The following SGCZ variants were observed in gnomAD, a reference collection of about 807,000 sequenced individuals.
The protein encoded by SGCZ is zeta-sarcoglycan.
Under a neutral mutation model 41.3 loss-of-function variants are expected in SGCZ, and 40 were observed. The observed-to-expected ratio is 0.97, with a 90% confidence interval of 0.75 to 1.26. The LOEUF (loss-of-function observed/expected upper bound fraction) is 1.26, where lower values mean the gene tolerates loss of function less well. SGCZ is among the 50% of genes most tolerant of loss of function. The probability of loss-of-function intolerance (pLI) is 0.00; values close to 1 mark genes in which losing one functional copy is unlikely to be tolerated. For synonymous variants in SGCZ, 206 were observed against 137.5 expected (o/e 1.50, Z -3.49); for missense variants, 552 against 369.8 (o/e 1.49, Z -4.04).
chr8:14,695,415 T>C lies in SGCZ; in HGVS notation c.40-140489A>G, dbSNP rs545110343. ...AAAATAAGTATCATTAGCAATATTG[T>C]GGAAACTTTATCTCATGTGTCCAAA... On this transcript the variant is annotated intron_variant, in intron 1 of 7. Coordinates refer to ENST00000382080, the MANE Select transcript of SGCZ (RefSeq NM_139167.4). Among the ~76,000 whole-genome samples, 27 of 152,248 alleles carry C rather than the reference T, an allele frequency of 1.8e-4. No homozygotes were observed. The South Asian group carries it at 5.2e-3, about 29-fold the overall frequency.
intron 1 of SGCZ, among the ~76,000 whole-genome samples, chr8:15,217,555 G>A (rs1161184034): frequency 6.6e-6 from 1 of 151,814 alleles, no homozygotes; most frequent in Non-Finnish European, 1.5e-5. Flanking sequence ...AATCTAGGAG[G>A]GTTATAACCA....
intron 5 of SGCZ, among the ~76,000 whole-genome samples, chr8:14,146,395 G>T (rs183474245): frequency 6.6e-6 from 1 of 152,082 alleles, no homozygotes; most frequent in African/African-American, 2.4e-5. Flanking sequence ...AACTAAAGCC[G>T]AGGGATTTCA....
intron 4 of SGCZ, among the ~76,000 whole-genome samples, chr8:14,212,516 A>T (rs6530731): frequency 0.99 from 146,457 of 147,250 alleles, 72,840 homozygotes; most frequent in East Asian, 1. Context: ...AAAGCCAAAA[A>T]GTTGTTAGAA....
chr8:14,781,655 C>T (rs1332772960), intron 1 of SGCZ, among the ~76,000 whole-genome samples: 1 of 152,174 alleles, frequency 6.6e-6, no homozygotes, highest in Non-Finnish European at 1.5e-5. Context: ...CTAGTTGCTA[C>T]ATATAGACGT....
chr8:14,934,709 G>T (rs1048078688), intron 1 of SGCZ, among the ~76,000 whole-genome samples: 1 of 151,560 alleles, frequency 6.6e-6, no homozygotes, highest in Non-Finnish European at 1.5e-5. Flanking sequence ...TTTTTAAAGT[G>T]ATGAAAGATA....
intron 1 of SGCZ, among the ~76,000 whole-genome samples, chr8:14,897,148 C>A (rs1342112358): frequency 6.6e-6 from 1 of 151,988 alleles, no homozygotes; most frequent in Non-Finnish European, 1.5e-5. Flanking sequence ...TAATTATTAG[C>A]TTGATAGTGT....
intron 1 of SGCZ, among the ~76,000 whole-genome samples, chr8:15,184,039 T>C (rs1216888836): frequency 6.6e-6 from 1 of 152,198 alleles, no homozygotes; most frequent in Non-Finnish European, 1.5e-5. Context: ...TAACTACTTT[T>C]ATAGTGCTGA....
chr8:14,847,507 G>GT (rs1803169748), intron 1 of SGCZ, among the ~76,000 whole-genome samples: 1 of 117,020 alleles, frequency 8.5e-6, no homozygotes, highest in Admixed American at 8.4e-5. Flanking sequence ...ATATTAACAA[G>GT]TAAAAAAAAA....
intron 1 of SGCZ, among the ~76,000 whole-genome samples, chr8:14,827,610 T>C (rs149113633): frequency 4.1e-4 from 63 of 152,254 alleles, no homozygotes; most frequent in African/African-American, 1.5e-3. Context: ...AAAGAGTCTG[T>C]GATTGTTTTC....
At chr8:14,814,905 C>T (rs1801854672) in intron 1 of SGCZ, among the ~76,000 whole-genome samples, 2 of 152,072 alleles carry the variant, frequency 1.3e-5, no homozygotes, top group Non-Finnish European at 2.9e-5. Flanking sequence ...CATATAGTTG[C>T]TATTTCATCC....
chr8:14,104,429 TAAAA>T (rs34950929), intron 6 of SGCZ, among the ~76,000 whole-genome samples: 3 of 150,736 alleles, frequency 2.0e-5, no homozygotes, highest in Admixed American at 6.6e-5. Context: ...ACTATCAAAT[TAAAA>T]AAAAAATCTG....
At chr8:14,885,075 T>C (rs2130730961) in intron 1 of SGCZ, among the ~76,000 whole-genome samples, 1 of 152,316 alleles carries the variant, frequency 6.6e-6, no homozygotes, top group South Asian at 2.1e-4. Flanking sequence ...TCTCTGGAAA[T>C]ACTTTGCCAA....
chr8:15,159,718 C>T (rs1234127093), intron 1 of SGCZ, among the ~76,000 whole-genome samples: 2 of 41,714 alleles, frequency 4.8e-5, no homozygotes, highest in East Asian at 1.4e-3. Context: ...TTGTTCCCCC[C>T]TCCCTCGCCC....
At chr8:15,164,285 G>A (rs549331241) in intron 1 of SGCZ, among the ~76,000 whole-genome samples, 1 of 152,290 alleles carries the variant, frequency 6.6e-6, no homozygotes, top group Admixed American at 6.5e-5. Context: ...TTCAACCTCA[G>A]AATCCTGAGG....
chr8:14,526,809 A>T (rs988715450), intron 2 of SGCZ, among the ~76,000 whole-genome samples: 2 of 152,038 alleles, frequency 1.3e-5, no homozygotes, highest in East Asian at 3.9e-4. Context: ...AGGAGAATTT[A>T]TCTATGACAG....
intron 2 of SGCZ, among the ~76,000 whole-genome samples, chr8:14,469,065 A>C (rs1309074636): frequency 2.0e-5 from 3 of 152,014 alleles, no homozygotes; most frequent in African/African-American, 7.2e-5. Context: ...GCCACAACCA[A>C]AATGGATTAT....
intron 1 of SGCZ, among the ~76,000 whole-genome samples, chr8:15,077,730 G>C (rs1245835239): frequency 6.6e-6 from 1 of 152,066 alleles, no homozygotes; most frequent in Non-Finnish European, 1.5e-5. Context: ...TCCTATACCT[G>C]CACACCAAAA....
intron 1 of SGCZ, among the ~76,000 whole-genome samples, chr8:14,765,227 C>G (rs867893544): frequency 1.3e-5 from 2 of 152,108 alleles, no homozygotes; most frequent in Admixed American, 1.3e-4. Flanking sequence ...TTTAATGGAG[C>G]AATAACCATC....
intron 6 of SGCZ, among the ~76,000 whole-genome samples, chr8:14,103,523 A>C (rs566111759): frequency 1.3e-5 from 2 of 152,290 alleles, no homozygotes; most frequent in Admixed American, 6.5e-5. Context: ...TTGCAGAAAG[A>C]ACCACCTCAA....
Sources: allele counts gnomAD v4.1 joint callset (sites outside exome capture counted in the v4.1 genomes callset), GRCh38; gene constraint gnomAD v4.1.1; transcripts MANE v1.5; gene names NCBI Gene and HGNC (gene_info 2026-07-23, HGNC 2026-07-21).